Variants in OBSL1 observed in about 807,000 individuals in gnomAD.
OBSL1 encodes obscurin-like protein 1.
OBSL1 carries 160 observed loss-of-function variants against 172.0 expected under a neutral mutation model. That is an observed-to-expected ratio of 0.93 (90% CI 0.82 to 1.06). OBSL1 has a LOEUF of 1.06. Among genes scored for constraint, OBSL1 ranks in the 50% least tolerant of loss-of-function variants. OBSL1 has a pLI of 0.00. For synonymous variants in OBSL1, 1,200 were observed against 1,196.3 expected, an observed-to-expected ratio of 1.00 and a Z score of -0.06; for missense variants, 2,681 against 2,715.4, an observed-to-expected ratio of 0.99 and a Z score of 0.28.
chr2:219,548,976 G>A (rs556760542), downstream of OBSL1: 307 of 650,030 alleles, frequency 4.7e-4, no homozygotes, highest in Middle Eastern at 4.5e-3. Flanking sequence ...GAACAACAGC[G>A]GGAAGTCTCC....
rs1375594329 is a variant in OBSL1 at position 219,552,563 on chromosome 2, C to G, written c.5281G>C (p.Gly1761Arg). The G allele has an allele frequency of 6.3e-7, 1 of 1,595,370 alleles. No individual in the cohort carries two copies. Among genetic ancestry groups the G allele is most frequent in the African/African-American group, 1.3e-5 (1 of 74,748 alleles). The change falls in exon 18 of 21, where the codon GGA becomes CGA. Residue 1761 changes from glycine to arginine, a missense_variant. Gly to Arg is a moderately radical substitution (Grantham distance 125). Coordinates refer to ENST00000404537, the MANE Select transcript of OBSL1 (RefSeq NM_015311.3). Reference sequence around the variant, plus strand: ...TCCTGTCGGATGCGGACGCGGGCTCCGGGTCTCAGCGGGCGGCCTCCGAGC... The same window carrying G: ...TCCTGTCGGATGCGGACGCGGGCTCGGGGTCTCAGCGGGCGGCCTCCGAGC... Reference protein sequence around the residue: ...WELGGRPLRPGARVRIRQEGK... With the variant: ...WELGGRPLRPRARVRIRQEGK...
At chr2:219,555,533 G>T in intron 14 of OBSL1, 1 of 689,316 alleles carries the variant, frequency 1.5e-6, no homozygotes, top group Non-Finnish European at 1.8e-6. Flanking sequence ...TCCTGCCTTG[G>T]CCTCCCAAAG....
chr2:219,552,421 G>C, intron 18 of OBSL1, 115 bp downstream of exon 18: 1 of 1,103,904 alleles, frequency 9.1e-7, no homozygotes, highest in South Asian at 1.5e-5. Flanking sequence ...AGGCTCACAG[G>C]GCCGTGGGGC....
Position 219,565,424 on chromosome 2 carries a change from C to G in OBSL1, c.2225G>C (p.Arg742Thr), listed in dbSNP as rs779948475. ...GTACCAGGTTGCCGGGAAGTCCACC[C>G]TTGAGAGCTCACAAGTCAGCACCAC... ...ERVVLTCELS[R>T]VDFPATWYKD... The change falls in exon 6 of 21, where the codon AGG (arginine) becomes ACG (threonine). Residue 742 changes from arginine to threonine, a missense_variant. Coordinates refer to ENST00000404537, the MANE Select transcript of OBSL1 (RefSeq NM_015311.3). The G allele has an allele frequency of 1.2e-6, 2 of 1,613,804 alleles. No homozygotes were observed. The highest frequency in any genetic ancestry group is 2.7e-5 in the African/African-American group (2 of 74,930).
chr2:219,568,228 G>A lies in OBSL1; in HGVS notation c.1109C>T (p.Pro370Leu), dbSNP rs990235441. The change falls in exon 2 of 21, where the codon CCC (proline) becomes CTC (leucine). Residue 370 changes from proline to leucine, a missense_variant. Physicochemically the swap from Pro to Leu is moderately conservative, Grantham distance 98. Coordinates refer to ENST00000404537, the MANE Select transcript of OBSL1 (RefSeq NM_015311.3). This position sits in a 1 kb window ranked among gnomAD's most constrained non-coding sequence, Gnocchi z 4.1. ...CTGGTCCTCACGGAACCAGGCCGTG[G>A]GGATGCGGGAGTTGGGTACTTTACA... is the stretch of plus-strand genomic sequence containing the variant. ...LECKVPNSRI[P>L]TAWFREDQRL... 1.9e-6 allele frequency: 3 copies of A among 1,613,506 alleles called. No individual in the cohort carries two copies. Among genetic ancestry groups the A allele is most frequent in the Non-Finnish European group, 8.5e-7 (1 of 1,179,816 alleles).
chr2:219,559,452 A>G lies in OBSL1; in HGVS notation c.2999T>C (p.Ile1000Thr). The change falls in exon 9 of 21, where the codon ATC (isoleucine) becomes ACC (threonine). Residue 1000 changes from isoleucine to threonine, a missense_variant. Ile to Thr is a moderately conservative substitution (Grantham distance 89). This residue lies in a region of OBSL1 where 1,765 missense variants were observed against 1,748.3 expected (regional missense o/e 1.01). Coordinates refer to ENST00000404537, the MANE Select transcript of OBSL1 (RefSeq NM_015311.3). The part of the protein sequence containing the change: ...IIYPRDEVTL[I>T]AVTLECVVLM... ...CACCACACACTCCAAGGTCACGGCG[A>G]TCAAGGTCACCTCATCGCGAGGGTA... The G allele has an allele frequency of 1.2e-6, 2 of 1,613,556 alleles. No individual in the cohort carries two copies. Among genetic ancestry groups the G allele is most frequent in the Non-Finnish European group, 1.7e-6 (2 of 1,179,692 alleles).
chr2:219,549,117 TC>T (rs1695468556), downstream of OBSL1: 2 of 1,611,660 alleles, frequency 1.2e-6, no homozygotes, highest in Admixed American at 3.3e-5. Flanking sequence ...AGGCGCACCG[TC>T]CTCTGAGCTC....
intron 1 of OBSL1, 51 bp downstream of exon 1, chr2:219,570,165 CGGAGG>C: frequency 7.1e-7 from 1 of 1,418,436 alleles, no homozygotes; most frequent in Non-Finnish European, 9.3e-7. Flanking sequence ...GGCTGGAGTT[CGGAGG>C]GCCTCGGAGG....
downstream of OBSL1, chr2:219,550,696 G>GC (rs957056897): frequency 6.7e-5 from 79 of 1,186,530 alleles, no homozygotes; most frequent in Admixed American, 2.5e-4. Context: ...GGCAAGGTCT[G>GC]CCCCCCCACA....
At chr2:219,562,982 G>A (rs1696603650) in intron 7 of OBSL1, 1 of 494,496 alleles carries the variant, frequency 2.0e-6, no homozygotes, top group Non-Finnish European at 3.6e-6. Context: ...GAACTGATGA[G>A]AGGAGGGTTG....
Position 219,570,673 on chromosome 2 carries a change from C to A in OBSL1, c.560G>T (p.Gly187Val). 6.6e-7 allele frequency: 1 copy of A among 1,507,786 alleles called. No homozygotes were observed. The highest frequency in any genetic ancestry group is 2.7e-5 in the East Asian group (1 of 37,098). 93.4% of individuals were successfully genotyped at this position (1,507,786 alleles called of 1,614,324 possible). ...FALQPGRAED[G>V]PGASLALRIL... ...GCGCAGTGCCAGGCTCGCGCCGGGG[C>A]CGTCCTCGGCGCGGCCCGGCTGGAG... Residue 187 changes from glycine (G) to valine (V), a missense_variant, in exon 1 of 21, where the codon GGC becomes GTC. By Grantham distance (109) the Gly-to-Val change is moderately radical. Transcript: ENST00000404537.
intron 5 of OBSL1, among the ~76,000 whole-genome samples, 161 bp from the exon 6 acceptor site, chr2:219,565,675 C>T (rs1696834790): frequency 6.6e-6 from 1 of 152,154 alleles, no homozygotes. Flanking sequence ...CATAAGAATT[C>T]CTAGGGAGCC....
Position 219,565,300 on chromosome 2 carries a change from A to T in OBSL1, c.2349T>A (p.Ser783Arg), listed in dbSNP as rs778526652. 4.3e-6 allele frequency: 7 copies of T among 1,613,980 alleles called. No individual in the cohort carries two copies. The highest frequency in any genetic ancestry group is 1.7e-4 in the Middle Eastern group (1 of 6,060). The change falls in exon 6 of 21, where the codon AGT becomes AGA. Residue 783 changes from serine to arginine, a missense_variant. Physicochemically the swap from Ser to Arg is moderately radical, Grantham distance 110. Transcript: ENST00000404537. ...CTTCTGTCCTGCACTCAAACTCGCCACTGTCCTGGACTTTGGCCTCAGGCA... is the reference window on the plus strand; with the variant it reads ...CTTCTGTCCTGCACTCAAACTCGCCTCTGTCCTGGACTTTGGCCTCAGGCA... ...LILPEAKVQD[S>R]GEFECRTEGV...
chr2:219,551,609 T>TG lies in OBSL1; in HGVS notation c.5602dup (p.His1868ProfsTer2), dbSNP rs1470049006. 3.7e-6 allele frequency: 6 copies of TG among 1,611,388 alleles called. No individual in the cohort carries two copies. The South Asian group carries it at 6.6e-5, about 18-fold the overall frequency. On this transcript the variant is annotated frameshift_variant, in exon 20 of 21. Coordinates refer to ENST00000404537, the MANE Select transcript of OBSL1 (RefSeq NM_015311.3). LOFTEE classifies it high-confidence loss of function. The stretch of plus-strand genomic sequence containing the variant: ...GCCTTGGTCCTCAGGTCGAACGTCA[T>TG]GGATGACCAGGCTGTGGGTGGGGCC...
chr2:219,564,937 C>T (rs1038022572), intron 6 of OBSL1, among the ~76,000 whole-genome samples: 14 of 152,242 alleles, frequency 9.2e-5, no homozygotes, highest in African/African-American at 2.4e-4. Context: ...CGTGGTGGCG[C>T]GCACCTGTAG....
intron 5 of OBSL1, among the ~76,000 whole-genome samples, chr2:219,566,239 C>CA (rs1419192668): frequency 6.6e-6 from 1 of 152,190 alleles, no homozygotes; most frequent in Non-Finnish European, 1.5e-5. Context: ...ACAAGCCGGG[C>CA]ATGGTGATGC....
chr2:219,550,771 C>T lies in OBSL1; in HGVS notation c.*64G>A. The stretch of plus-strand genomic sequence containing the variant: ...TTGTTCCTTGTCTCTCTACCCCTGC[C>T]CAGGGTAAGGGCAAACGCCTTCCAA... On this transcript the variant is annotated 3_prime_UTR_variant, in exon 21 of 21. Coordinates refer to ENST00000404537, the MANE Select transcript of OBSL1 (RefSeq NM_015311.3). 1 of 1,588,506 alleles carries T rather than the reference C, an allele frequency of 6.3e-7. No individual in the cohort carries two copies. The highest frequency in any genetic ancestry group is 8.6e-7 in the Non-Finnish European group (1 of 1,166,284).
intron 20 of OBSL1, chr2:219,551,148 A>T: frequency 7.2e-7 from 1 of 1,397,156 alleles, no homozygotes; most frequent in Non-Finnish European, 9.3e-7. Context: ...GGGCAGAGGC[A>T]AGCTGGGCAG....
chr2:219,549,583 G>A (rs575676979), downstream of OBSL1: 15 of 1,388,762 alleles, frequency 1.1e-5, no homozygotes, highest in African/African-American at 1.4e-5. Context: ...ATGGTATGTG[G>A]TGGGGTCTCA....
Sources: gnomAD v4.1 joint callset for allele counts (sites outside exome capture counted in the v4.1 genomes callset) on GRCh38, gnomAD v4.1.1 for gene constraint, gnomAD v4.1.1 regional missense constraint, Gnocchi (gnomAD v3.1) non-coding constraint, MANE v1.5 for transcripts, NCBI Gene and HGNC (gene_info 2026-07-23, HGNC 2026-07-21) for gene names.